TP63: variants seen among roughly 807,000 people sequenced by gnomAD.
The protein encoded by TP63 is tumor protein p63, also known as tumor protein 63.
In TP63, 17 loss-of-function variants were observed where a neutral mutation model predicts 82.8. The observed-to-expected ratio is 0.21, with a 90% CI of 0.14 to 0.31. The LOEUF (loss-of-function observed/expected upper bound fraction) is 0.31, where lower values mean the gene tolerates loss of function less well. Among genes scored for constraint, TP63 ranks in the 10% least tolerant of loss-of-function variants. The probability of loss-of-function intolerance (pLI) is 1.00; values close to 1 mark genes in which losing one functional copy is unlikely to be tolerated. For synonymous variants in TP63, 330 were observed against 321.7 expected (o/e 1.03, Z -0.28); for missense variants, 648 against 895.3 (o/e 0.72, Z 3.52).
intron 3 of TP63, among the ~76,000 whole-genome samples, chr3:189,793,580 T>G (rs754882087): frequency 1.3e-5 from 2 of 152,056 alleles, no homozygotes; most frequent in African/African-American, 2.4e-5. Context: ...ACCCTGGTTT[T>G]CTTTGATGTG....
rs114199098 is a variant in TP63 at position 189,836,903 on chromosome 3, A to G, written c.580-27329A>G. On this transcript the variant is annotated intron_variant, in intron 4 of 13. Coordinates refer to ENST00000264731, the MANE Select transcript of TP63 (RefSeq NM_003722.5). ...GTTTGGAAAATGTCTTATATTTTTC[A>G]AAACACACACATATATGTATTATCA... Among the ~76,000 whole-genome samples, 918 of 152,312 alleles carry G rather than the reference A, an allele frequency of 6.0e-3. 13 individuals are homozygous for G. Among genetic ancestry groups the G allele is most frequent in the African/African-American group, 0.021 (891 of 41,570 alleles).
At chr3:189,698,229 T>C (rs1236497650) in intron 1 of TP63, among the ~76,000 whole-genome samples, 2 of 152,122 alleles carry the variant, frequency 1.3e-5, no homozygotes, top group African/African-American at 2.4e-5. Context: ...CTGAGACTTT[T>C]TGGTCATAAA....
chr3:189,711,851 C>T (rs927831444), intron 1 of TP63, among the ~76,000 whole-genome samples: 4 of 152,046 alleles, frequency 2.6e-5, no homozygotes, highest in Non-Finnish European at 5.9e-5. Flanking sequence ...TGGGCTTGAG[C>T]AAAGAATATA....
At chr3:189,869,732 A>G (rs909048208) in intron 9 of TP63, among the ~76,000 whole-genome samples, 13 of 134,172 alleles carry the variant, frequency 9.7e-5, no homozygotes, top group African/African-American at 3.3e-4. Context: ...TTTTTTTTTT[A>G]TAAGGGCAAA....
chr3:189,692,291 TC>T (rs1716994475), intron 1 of TP63, among the ~76,000 whole-genome samples: 1 of 152,084 alleles, frequency 6.6e-6, no homozygotes, highest in African/African-American at 2.4e-5. Flanking sequence ...CCTCTTGTTT[TC>T]CTTCTTTTTT....
intron 10 of TP63, chr3:189,880,314 T>C: frequency 7.5e-7 from 1 of 1,329,200 alleles, no homozygotes; most frequent in Non-Finnish European, 9.7e-7. Flanking sequence ...GAGACCCAAC[T>C]GCTCAAAGGC....
chr3:189,624,309 C>G, the TP63 span, among the ~76,000 whole-genome samples: 1 of 152,082 alleles, frequency 6.6e-6, no homozygotes, highest in African/African-American at 2.4e-5. Context: ...CCTCATTACC[C>G]TGTCACCCCC....
rs115702859 is a variant in TP63, at chr3:189,649,589, A to G, written c.62+18012A>G. ...AGAGCCCTGTGACATGAGTCTACCT[A>G]TACAACCAACTTGCACATGTACCCC... On this transcript the variant is annotated intron_variant, in intron 1 of 13. Coordinates refer to ENST00000264731, the MANE Select transcript of TP63 (RefSeq NM_003722.5). Among the ~76,000 whole-genome samples the G allele has an allele frequency of 1.9e-3, 274 of 147,198 alleles. 22 individuals are homozygous for G. The highest frequency in any genetic ancestry group is 6.8e-3 in the African/African-American group (269 of 39,350).
chr3:189,793,624 A>G (rs899609124), intron 3 of TP63, among the ~76,000 whole-genome samples: 9 of 152,086 alleles, frequency 5.9e-5, no homozygotes, highest in African/African-American at 2.2e-4. Flanking sequence ...CTGAGCTGGT[A>G]GAATAGAGGG....
At chr3:189,859,230 C>T (rs1716699576) in intron 4 of TP63, among the ~76,000 whole-genome samples, 1 of 152,002 alleles carries the variant, frequency 6.6e-6, no homozygotes, top group Admixed American at 6.6e-5. Context: ...CACATTTTAC[C>T]TATAAATATG....
intron 1 of TP63, among the ~76,000 whole-genome samples, chr3:189,635,721 G>C (rs1224644682): frequency 6.6e-6 from 1 of 151,876 alleles, no homozygotes; most frequent in Non-Finnish European, 1.5e-5. Context: ...TAATTCTAGG[G>C]ATCCACATCA....
rs2108637496 is a variant in TP63 at position 189,808,352 on chromosome 3, C to T, written c.405C>T (p.Asn135=). Residue 135 remains asparagine, a synonymous_variant, in exon 4 of 14, where the codon AAC becomes AAT. Transcript: ENST00000264731. ...QNGSSSTSPY[N]TDHAQNSVTA... is the part of the protein sequence containing the mutation. ...GCTCCTCGTCCACCAGTCCCTATAA[C>T]ACAGACCACGCGCAGAACAGCGTCA... The T allele has an allele frequency of 3.7e-6, 6 of 1,614,232 alleles. No individual in the cohort carries two copies. Among genetic ancestry groups the T allele is most frequent in the Non-Finnish European group, 5.1e-6 (6 of 1,180,038 alleles).
the TP63 span, among the ~76,000 whole-genome samples, chr3:189,610,547 A>G: frequency 9.2e-5 from 14 of 152,152 alleles, no homozygotes; most frequent in African/African-American, 3.4e-4. Context: ...CCACCTCAGC[A>G]TGGACCTTAT....
At chr3:189,891,870 C>T (rs994182910) in intron 13 of TP63, among the ~76,000 whole-genome samples, 1 of 152,132 alleles carries the variant, frequency 6.6e-6, no homozygotes, top group Non-Finnish European at 1.5e-5. Context: ...GTCTCTGCCT[C>T]TGCTGCTACT....
At chr3:189,761,185 A>G (rs1252437064) in intron 3 of TP63, among the ~76,000 whole-genome samples, 1 of 152,180 alleles carries the variant, frequency 6.6e-6, no homozygotes, top group Non-Finnish European at 1.5e-5. Flanking sequence ...CTTGTTACTT[A>G]TGCAAATTGC....
the TP63 span, among the ~76,000 whole-genome samples, chr3:189,597,502 T>C: frequency 1.3e-5 from 2 of 152,216 alleles, no homozygotes; most frequent in Admixed American, 6.5e-5. Flanking sequence ...CCAAAACTTC[T>C]AAAATCAAAT....
At chr3:189,791,236 A>G (rs1725107293) in intron 3 of TP63, among the ~76,000 whole-genome samples, 1 of 152,138 alleles carries the variant, frequency 6.6e-6, no homozygotes, top group African/African-American at 2.4e-5. Context: ...GAACTATTTC[A>G]CACACAGTAT....
At chr3:189,668,890 C>A (rs1159523085) in intron 1 of TP63, among the ~76,000 whole-genome samples, 2 of 151,662 alleles carry the variant, frequency 1.3e-5, no homozygotes, top group African/African-American at 4.8e-5. Context: ...AGATTTCCCC[C>A]AGATTTCATG....
intron 10 of TP63, among the ~76,000 whole-genome samples, chr3:189,878,593 CTT>C (rs11333832): frequency 4.3e-4 from 56 of 130,356 alleles, no homozygotes; most frequent in African/African-American, 7.2e-4. Context: ...TTTTTTTTTT[CTT>C]TTTTTTTTTT....
Sources: allele counts gnomAD v4.1 joint callset (sites outside exome capture counted in the v4.1 genomes callset), GRCh38; gene constraint gnomAD v4.1.1; transcripts MANE v1.5; gene names NCBI Gene and HGNC (gene_info 2026-07-23, HGNC 2026-07-21).